DGKI: variants seen among roughly 807,000 people sequenced by gnomAD.
DGKI encodes the protein diacylglycerol kinase iota.
DGKI carries 55 observed loss-of-function variants against 147.5 expected under a neutral mutation model. The observed-to-expected ratio is 0.37, with a 90% CI of 0.30 to 0.47. The LOEUF (loss-of-function observed/expected upper bound fraction) is 0.47. Among genes scored for constraint, DGKI ranks in the 20% least tolerant of loss-of-function variants. The probability of loss-of-function intolerance (pLI) is 1.00; values close to 1 mark genes in which losing one functional copy is unlikely to be tolerated. For synonymous variants in DGKI, 469 were observed against 477.1 expected (o/e 0.98, Z 0.22); for missense variants, 1,007 against 1,323.8 (o/e 0.76, Z 3.71).
chr7:137,844,261 C>T (rs965828099), intron 1 of DGKI, among the ~76,000 whole-genome samples: 2 of 152,194 alleles, frequency 1.3e-5, no homozygotes, highest in African/African-American at 4.8e-5. Flanking sequence ...TACCCAGGCA[C>T]AAACATGCTC....
intron 1 of DGKI, among the ~76,000 whole-genome samples, chr7:137,810,597 C>T (rs1797531954): frequency 6.6e-6 from 1 of 152,148 alleles, no homozygotes; most frequent in African/African-American, 2.4e-5. Flanking sequence ...ACTGTAGGAA[C>T]ACAAGACATA....
chr7:137,643,643 G>A (rs938970460), intron 6 of DGKI, among the ~76,000 whole-genome samples: 16 of 152,154 alleles, frequency 1.1e-4, no homozygotes, highest in Admixed American at 4.6e-4. Flanking sequence ...GACGTGCAGC[G>A]AGCTGTGCTC....
intron 1 of DGKI, among the ~76,000 whole-genome samples, chr7:137,811,420 A>C (rs1015045166): frequency 7.4e-6 from 1 of 135,386 alleles, no homozygotes; most frequent in Non-Finnish European, 1.6e-5. Flanking sequence ...ACACACACAC[A>C]CCATACTCAC....
At chr7:137,691,753 A>G (rs1410430495) in intron 1 of DGKI, among the ~76,000 whole-genome samples, 1 of 148,656 alleles carries the variant, frequency 6.7e-6, no homozygotes, top group African/African-American at 2.5e-5. Flanking sequence ...CCATTAATCA[A>G]TTACCAAGTA....
chr7:137,726,656 C>T (rs1306764072), intron 1 of DGKI, among the ~76,000 whole-genome samples: 2 of 152,186 alleles, frequency 1.3e-5, no homozygotes, highest in Non-Finnish European at 2.9e-5. Context: ...AAGGATTCTC[C>T]TATGAAGCAA....
chr7:137,411,798 GA>G (rs1232737415), intron 29 of DGKI, among the ~76,000 whole-genome samples: 1 of 152,156 alleles, frequency 6.6e-6, no homozygotes, highest in East Asian at 1.9e-4. Context: ...CCACGACAAG[GA>G]AAGATTAATC....
chr7:137,698,396 T>G (rs1001555146), intron 1 of DGKI, among the ~76,000 whole-genome samples: 4 of 152,150 alleles, frequency 2.6e-5, no homozygotes, highest in African/African-American at 9.7e-5. Context: ...AGTGAGAAGC[T>G]GGACTATGAG....
Position 137,572,849 on chromosome 7 carries a change from G to A in DGKI, c.1762-11C>T. The A allele has an allele frequency of 1.3e-6, 2 of 1,599,142 alleles. No homozygotes were observed. The highest frequency in any genetic ancestry group is 1.7e-6 in the Non-Finnish European group (2 of 1,174,140). On this transcript the variant is annotated splice_polypyrimidine_tract_variant and intron_variant, in intron 17 of 32. Transcript: ENST00000614521. ...ATCTGTTCCATCACACTGAAACAAT[G>A]AAAACAGAAAAGGGGTTTTGAAGTA...
chr7:137,513,078 C>T (rs1223234833), intron 21 of DGKI, among the ~76,000 whole-genome samples: 1 of 152,164 alleles, frequency 6.6e-6, no homozygotes, highest in East Asian at 1.9e-4. Flanking sequence ...TATTTCAAAC[C>T]TTCCTCTTTT....
Position 137,684,113 on chromosome 7 carries a change from A to G in DGKI, c.511-5461T>C, listed in dbSNP as rs529400069. 2.0e-5 allele frequency among the ~76,000 whole-genome samples: 3 copies of G among 152,374 alleles called. No homozygotes were observed. The East Asian group carries it at 5.8e-4, about 29-fold the overall frequency. ...AATGTCCTTACAAAATCAAAAAGGA[A>G]AAAGAGTGGATTGCCTCCCCTTGAA... is the stretch of plus-strand genomic sequence containing the variant. On this transcript the variant is annotated intron_variant, in intron 2 of 32. Transcript: ENST00000614521.
At chr7:137,770,297 C>A (rs1038153614) in intron 1 of DGKI, among the ~76,000 whole-genome samples, 1 of 151,630 alleles carries the variant, frequency 6.6e-6, no homozygotes, top group Non-Finnish European at 1.5e-5. Context: ...AGGGGAACAA[C>A]ACACATCAGG....
At chr7:137,448,310 A>G (rs1378930788) in intron 27 of DGKI, among the ~76,000 whole-genome samples, 1 of 151,558 alleles carries the variant, frequency 6.6e-6, no homozygotes, top group Non-Finnish European at 1.5e-5. Context: ...CAAAAAAAAA[A>G]AAAAAAAAAC....
At chr7:137,513,294 T>C (rs75095338) in intron 21 of DGKI, among the ~76,000 whole-genome samples, 4,872 of 152,216 alleles carry the variant, frequency 0.032, 215 homozygotes, top group East Asian at 0.11. Context: ...CACAACCTTC[T>C]ATTGCTCACC....
intron 26 of DGKI, 116 bp downstream of exon 26, chr7:137,465,792 G>A: frequency 2.2e-6 from 3 of 1,376,196 alleles, no homozygotes; most frequent in Non-Finnish European, 2.9e-6. Flanking sequence ...AACACAACAA[G>A]AAAATCTACA....
chr7:137,638,482 A>G (rs1305204), intron 6 of DGKI, among the ~76,000 whole-genome samples: 2 of 126,074 alleles, frequency 1.6e-5, no homozygotes, highest in Non-Finnish European at 3.2e-5. Flanking sequence ...ATGTGTGTAT[A>G]TATATACACA....
chr7:137,466,320 C>T (rs1814657126), intron 25 of DGKI, among the ~76,000 whole-genome samples: 1 of 152,184 alleles, frequency 6.6e-6, no homozygotes, highest in South Asian at 2.1e-4. Flanking sequence ...AAGTGACACC[C>T]ACATACAATT....
chr7:137,600,055 A>T (rs1228173624), intron 10 of DGKI, 150 bp from the exon 11 acceptor site: 2 of 658,116 alleles, frequency 3.0e-6, no homozygotes, highest in African/African-American at 1.8e-5. Context: ...AGGCTGACGC[A>T]GGTGGATCAC....
intron 1 of DGKI, among the ~76,000 whole-genome samples, chr7:137,766,646 C>G (rs1413374711): frequency 2.0e-5 from 3 of 152,158 alleles, no homozygotes; most frequent in African/African-American, 7.2e-5. Context: ...CCTTCCCACT[C>G]AGCACACCCA....
intron 6 of DGKI, among the ~76,000 whole-genome samples, chr7:137,638,636 A>G (rs1373968395): frequency 0.042 from 332 of 7,812 alleles, 123 homozygotes; most frequent in African/African-American, 0.33. Flanking sequence ...ATATGTGTGT[A>G]TATATGTGTA....
Sources: allele counts gnomAD v4.1 joint callset (sites outside exome capture counted in the v4.1 genomes callset), GRCh38; gene constraint gnomAD v4.1.1; transcripts MANE v1.5; gene names NCBI Gene and HGNC (gene_info 2026-07-23, HGNC 2026-07-21).